ERI3: variants seen among roughly 807,000 people sequenced by gnomAD.
The protein encoded by ERI3 is ERI1 exoribonuclease 3.
ERI3 carries 18 observed loss-of-function variants against 44.4 expected under a neutral mutation model. That is an observed-to-expected ratio of 0.41 (90% CI 0.28 to 0.60). The LOEUF (loss-of-function observed/expected upper bound fraction) is 0.60. Ranked by LOEUF, ERI3 falls within the 20% of genes least tolerant of loss-of-function variation. The probability of loss-of-function intolerance (pLI) is 0.36; values close to 1 mark genes in which losing one functional copy is unlikely to be tolerated. For missense variants in ERI3, 294 were observed against 435.5 expected, an observed-to-expected ratio of 0.68 and a Z score of 2.89; for synonymous variants, 183 against 164.8, an observed-to-expected ratio of 1.11 and a Z score of -0.84.
intron 4 of ERI3, among the ~76,000 whole-genome samples, chr1:44,319,417 T>A (rs756522855): frequency 6.6e-6 from 1 of 152,200 alleles, no homozygotes; most frequent in East Asian, 1.9e-4. Flanking sequence ...GAAGCAGGGG[T>A]AGACTAAGCC....
At chr1:44,300,318 G>C (rs1645696410) in intron 6 of ERI3, among the ~76,000 whole-genome samples, 1 of 152,180 alleles carries the variant, frequency 6.6e-6, no homozygotes, top group African/African-American at 2.4e-5. Context: ...TAGACCCTCT[G>C]ACACCTTCCT....
intron 8 of ERI3, among the ~76,000 whole-genome samples, chr1:44,236,676 G>C (rs976894680): frequency 6.6e-6 from 1 of 152,106 alleles, no homozygotes; most frequent in African/African-American, 2.4e-5. Context: ...GGAGCAGGAG[G>C]AGAGTGGCTT....
intron 7 of ERI3, among the ~76,000 whole-genome samples, chr1:44,280,193 T>C (rs1003595726): frequency 1.8e-4 from 28 of 152,034 alleles, no homozygotes; most frequent in African/African-American, 5.6e-4. Flanking sequence ...ATTTATGTAT[T>C]TCTTAAGCAT....
chr1:44,300,081 G>A (rs1331057192), intron 6 of ERI3, among the ~76,000 whole-genome samples: 1 of 152,120 alleles, frequency 6.6e-6, no homozygotes, highest in Non-Finnish European at 1.5e-5. Context: ...CAAGGGGAGA[G>A]CCTCATATCA....
intron 6 of ERI3, among the ~76,000 whole-genome samples, chr1:44,290,721 C>G (rs771007643): frequency 6.6e-6 from 1 of 152,100 alleles, no homozygotes; most frequent in African/African-American, 2.4e-5. Flanking sequence ...ATAAACAGAC[C>G]CTGGGTGATA....
intron 7 of ERI3, among the ~76,000 whole-genome samples, chr1:44,269,461 C>T (rs1056926258): frequency 3.9e-5 from 6 of 152,206 alleles, no homozygotes; most frequent in African/African-American, 1.4e-4. Flanking sequence ...CCCACATTCC[C>T]ATTTGTGGGC....
chr1:44,274,277 T>C (rs971553242), intron 7 of ERI3, among the ~76,000 whole-genome samples: 4 of 152,236 alleles, frequency 2.6e-5, no homozygotes, highest in South Asian at 2.1e-4. Context: ...TCCTGCAATA[T>C]TGGCTTCAGG....
intron 7 of ERI3, among the ~76,000 whole-genome samples, chr1:44,255,667 A>G (rs538763788): frequency 1.3e-5 from 2 of 152,086 alleles, no homozygotes; most frequent in African/African-American, 2.4e-5. Flanking sequence ...TTCATTCTCC[A>G]TATGTTTAAA....
At chr1:44,293,293 A>T (rs1025172642) in intron 6 of ERI3, among the ~76,000 whole-genome samples, 1 of 152,238 alleles carries the variant, frequency 6.6e-6, no homozygotes, top group Non-Finnish European at 1.5e-5. Flanking sequence ...CTGAGCCCCA[A>T]GGTGAGGCCG....
intron 7 of ERI3, among the ~76,000 whole-genome samples, chr1:44,264,457 C>A (rs1644951634): frequency 6.6e-6 from 1 of 152,212 alleles, no homozygotes. Flanking sequence ...TCTGAATTTT[C>A]AGGACAATTA....
intron 8 of ERI3, among the ~76,000 whole-genome samples, chr1:44,245,823 G>T (rs962435321): frequency 6.6e-6 from 1 of 152,122 alleles, no homozygotes; most frequent in African/African-American, 2.4e-5. Flanking sequence ...AGTATATGTG[G>T]GGTGCATTAA....
intron 6 of ERI3, among the ~76,000 whole-genome samples, chr1:44,305,436 G>T (rs1406925811): frequency 6.6e-6 from 1 of 152,204 alleles, no homozygotes; most frequent in Admixed American, 6.5e-5. Context: ...AAGTGGGTCA[G>T]GTAGGGAAGG....
intron 2 of ERI3, among the ~76,000 whole-genome samples, chr1:44,346,766 C>T (rs947552320): frequency 3.9e-5 from 6 of 152,084 alleles, no homozygotes; most frequent in Non-Finnish European, 7.4e-5. Context: ...AACCTAGGTT[C>T]AAATCCTGAC....
intron 8 of ERI3, among the ~76,000 whole-genome samples, chr1:44,238,090 C>T (rs191412622): frequency 7.0e-4 from 107 of 152,242 alleles, no homozygotes; most frequent in African/African-American, 2.3e-3. Context: ...GAGGCAGCCT[C>T]GATAACTCGC....
rs79404040 is a variant in ERI3, at chr1:44,235,745, T to C, written c.931+12194A>G. Among the ~76,000 whole-genome samples, 2,127 of 152,266 alleles carry C rather than the reference T, an allele frequency of 0.014. 48 individuals are homozygous for C. The highest frequency in any genetic ancestry group is 0.048 in the African/African-American group (2,004 of 41,544). On this transcript the variant is annotated intron_variant, in intron 8 of 8. Transcript: ENST00000372257. This position sits in a 1 kb window ranked among gnomAD's most constrained non-coding sequence, Gnocchi z 4.6. ...TCTAGCATCTTGGTTTCCCCAGGAC[T>C]TCACTGTGCCAGGAGACTGGCTAGG...
At chr1:44,310,384 A>G (rs1645928613) in intron 5 of ERI3, among the ~76,000 whole-genome samples, 1 of 152,228 alleles carries the variant, frequency 6.6e-6, no homozygotes, top group Non-Finnish European at 1.5e-5. Flanking sequence ...CCCTGCGAAT[A>G]TAAGCACCAC....
chr1:44,298,524 T>TA (rs1330962782), intron 6 of ERI3, among the ~76,000 whole-genome samples: 1 of 152,196 alleles, frequency 6.6e-6, no homozygotes, highest in Non-Finnish European at 1.5e-5. Context: ...AAATGTAGTA[T>TA]AATACAATGG....
Position 44,347,879 on chromosome 1 carries a change from T to TTGTGTGTG in ERI3, c.211+4963_211+4970dup, listed in dbSNP as rs113526509. ...TAAAGAAGAGCATGAGATTGTTTTG[T>TTGTGTGTG]TGTGTGTGTGTGTGTGTGTGTGTGT... On this transcript the variant is annotated intron_variant, in intron 2 of 8. Transcript: ENST00000372257. 1.5e-3 allele frequency among the ~76,000 whole-genome samples: 216 copies of TTGTGTGTG among 148,880 alleles called. 1 individual carries two copies. The highest frequency in any genetic ancestry group is 5.0e-3 in the African/African-American group (202 of 40,424).
rs1376698870 is a variant in ERI3, at chr1:44,235,009, G to C, written c.931+12930C>G. 6.6e-6 allele frequency among the ~76,000 whole-genome samples: 1 copy of C among 152,168 alleles called. No individual in the cohort carries two copies. The highest frequency in any genetic ancestry group is 1.5e-5 in the Non-Finnish European group (1 of 68,038). On this transcript the variant is annotated intron_variant, in intron 8 of 8. Coordinates refer to ENST00000372257, the MANE Select transcript of ERI3 (RefSeq NM_024066.3). The surrounding 1 kb of genome is among the most constrained non-coding windows in gnomAD (Gnocchi z 4.6). ...GTTAACATGAGGGAAAGCTGGGTAAGGGATACATAGAAACTTTCCTACAAA... is the reference window on the plus strand; with the variant it reads ...GTTAACATGAGGGAAAGCTGGGTAACGGATACATAGAAACTTTCCTACAAA...
Sources: gnomAD v4.1 joint callset for allele counts (sites outside exome capture counted in the v4.1 genomes callset) on GRCh38, gnomAD v4.1.1 for gene constraint, Gnocchi (gnomAD v3.1) non-coding constraint, MANE v1.5 for transcripts, NCBI Gene and HGNC (gene_info 2026-07-23, HGNC 2026-07-21) for gene names.